The following RGS7 variants were observed in gnomAD, a reference collection of about 807,000 sequenced individuals.
The protein encoded by RGS7 is regulator of G-protein signaling 7.
A neutral mutation model predicts 81.1 loss-of-function variants in RGS7; 27 were observed. The observed-to-expected ratio is 0.33, with a 90% CI of 0.25 to 0.46. The LOEUF (loss-of-function observed/expected upper bound fraction) is 0.46. Ranked by LOEUF, RGS7 falls within the 20% of genes least tolerant of loss-of-function variation. The probability of loss-of-function intolerance (pLI) is 1.00; values close to 1 mark genes in which losing one functional copy is unlikely to be tolerated. For missense variants in RGS7, 396 were observed against 607.4 expected (o/e 0.65, Z 3.66); for synonymous variants, 208 against 207.7 (o/e 1.00, Z -0.01).
At chr1:240,986,561 C>A (rs1685694913) in intron 3 of RGS7, among the ~76,000 whole-genome samples, 1 of 51,342 alleles carries the variant, frequency 1.9e-5, no homozygotes, top group Non-Finnish European at 3.6e-5. Context: ...GTAATTTAAA[C>A]ACCACTATTA....
chr1:241,036,304 T>C (rs933080345), intron 3 of RGS7, among the ~76,000 whole-genome samples: 8 of 152,226 alleles, frequency 5.3e-5, no homozygotes, highest in African/African-American at 1.9e-4. Flanking sequence ...CATTTACACA[T>C]TGAAAGAAAC....
At chr1:241,355,898 A>T in intron 1 of RGS7, 72 bp from the exon 2 acceptor site, 2 of 809,720 alleles carry the variant, frequency 2.5e-6, no homozygotes, top group South Asian at 2.8e-5. Flanking sequence ...CATTCACAGC[A>T]CCCACCCCAC....
chr1:240,941,632 TATA>T (rs1422272167), intron 4 of RGS7, among the ~76,000 whole-genome samples: 4 of 151,852 alleles, frequency 2.6e-5, no homozygotes, highest in African/African-American at 9.7e-5. Context: ...TGTGAGAAAA[TATA>T]ATAGTGATAT....
intron 3 of RGS7, among the ~76,000 whole-genome samples, chr1:241,007,865 T>C (rs2148653047): frequency 6.6e-6 from 1 of 152,180 alleles, no homozygotes; most frequent in East Asian, 1.9e-4. Flanking sequence ...CTGCATCTTG[T>C]ACCTGCAACA....
chr1:240,826,344 A>G (rs968009573), intron 10 of RGS7, among the ~76,000 whole-genome samples: 1 of 152,212 alleles, frequency 6.6e-6, no homozygotes, highest in Non-Finnish European at 1.5e-5. Context: ...GCAACACAAA[A>G]TAAGACTAGA....
intron 9 of RGS7, among the ~76,000 whole-genome samples, chr1:240,835,194 T>C (rs1017865011): frequency 3.3e-5 from 5 of 151,778 alleles, no homozygotes; most frequent in Non-Finnish European, 7.4e-5. Flanking sequence ...GGAAAAAAAA[T>C]AGGCAAGGTT....
chr1:241,009,138 T>G (rs1220731442), intron 3 of RGS7, among the ~76,000 whole-genome samples: 2 of 152,130 alleles, frequency 1.3e-5, no homozygotes, highest in Non-Finnish European at 2.9e-5. Flanking sequence ...CTTTTACTTC[T>G]TTTATACAAA....
chr1:240,807,475 T>C (rs900594980), intron 14 of RGS7, among the ~76,000 whole-genome samples: 22 of 152,182 alleles, frequency 1.4e-4, no homozygotes, highest in African/African-American at 5.3e-4. Flanking sequence ...CCTTCGTAAC[T>C]ACTAAGCTTT....
intron 3 of RGS7, among the ~76,000 whole-genome samples, chr1:241,053,432 G>C (rs1288661641): frequency 6.6e-6 from 1 of 152,086 alleles, no homozygotes; most frequent in East Asian, 1.9e-4. Context: ...CCTGTGGAGG[G>C]GGAAAGTCAT....
chr1:241,255,820 G>A (rs1313680054), intron 2 of RGS7, among the ~76,000 whole-genome samples: 2 of 152,154 alleles, frequency 1.3e-5, no homozygotes, highest in Admixed American at 1.3e-4. Context: ...ACTCCCAAAT[G>A]GGTGTTCACT....
chr1:241,104,585 G>A (rs965470579), intron 2 of RGS7, among the ~76,000 whole-genome samples: 3 of 152,116 alleles, frequency 2.0e-5, no homozygotes, highest in Non-Finnish European at 4.4e-5. Flanking sequence ...AAGTTATTTA[G>A]ATTAAAAATT....
chr1:241,089,822 G>A (rs767424541), intron 3 of RGS7, among the ~76,000 whole-genome samples: 27 of 151,800 alleles, frequency 1.8e-4, no homozygotes, highest in Admixed American at 2.6e-4. Context: ...CGGCTAACAC[G>A]GTGAAACCCC....
chr1:240,868,486 G>T lies in RGS7; in HGVS notation c.609+101C>A. The T allele has an allele frequency of 1.1e-6, 1 of 943,646 alleles. No individual in the cohort carries two copies. Among genetic ancestry groups the T allele is most frequent in the Non-Finnish European group, 1.7e-6 (1 of 574,802 alleles). 58.5% of individuals were successfully genotyped at this position (943,646 alleles called of 1,614,324 possible). A position where few individuals can be genotyped will look rare whatever the true frequency, so the allele number is the denominator to read the frequency against. On this transcript the variant is annotated intron_variant, in intron 9 of 18. Transcript: ENST00000440928. This position sits in a 1 kb window ranked among gnomAD's most constrained non-coding sequence, Gnocchi z 5.1. ...AATTCACCAAGATACCATGGAGCGTGCATGGGGTCACTACAGTCTTTCACT... is the reference window on the plus strand; with the variant it reads ...AATTCACCAAGATACCATGGAGCGTTCATGGGGTCACTACAGTCTTTCACT...
chr1:241,008,218 A>T (rs1475797257), intron 3 of RGS7, among the ~76,000 whole-genome samples: 2 of 152,338 alleles, frequency 1.3e-5, no homozygotes, highest in East Asian at 1.9e-4. Context: ...CTAAAAAAAA[A>T]TTCTAAAGAG....
chr1:241,186,523 ATTT>A (rs1226943606), intron 2 of RGS7: 122 of 277,358 alleles, frequency 4.4e-4, no homozygotes, highest in Non-Finnish European at 5.9e-4. Context: ...ATATATATAT[ATTT>A]TTTTTTTTTT....
At chr1:241,259,667 A>AAAAAAAATATATATAT in intron 2 of RGS7, among the ~76,000 whole-genome samples, 8 of 49,142 alleles carry the variant, frequency 1.6e-4, no homozygotes, top group South Asian at 1.1e-3. Context: ...AAAAAAAAAA[A>AAAAAAAATATATATAT]ATATATATAT....
At chr1:241,146,099 G>A (rs929183689) in intron 2 of RGS7, among the ~76,000 whole-genome samples, 1 of 152,114 alleles carries the variant, frequency 6.6e-6, no homozygotes, top group Non-Finnish European at 1.5e-5. Flanking sequence ...ATGGGAAGGT[G>A]AAGGAAGGAA....
At chr1:241,223,163 T>A (rs549553916) in intron 2 of RGS7, among the ~76,000 whole-genome samples, 1 of 152,302 alleles carries the variant, frequency 6.6e-6, no homozygotes, top group Admixed American at 6.5e-5. Context: ...TGCTTTAGAA[T>A]GTCAACGATA....
chr1:241,111,997 T>C (rs1025675940), intron 2 of RGS7, among the ~76,000 whole-genome samples: 1 of 152,192 alleles, frequency 6.6e-6, no homozygotes, highest in Admixed American at 6.5e-5. Flanking sequence ...ACTAGTGGCA[T>C]TCCAAACACA....
Sources: gnomAD v4.1 joint callset for allele counts (sites outside exome capture counted in the v4.1 genomes callset) on GRCh38, gnomAD v4.1.1 for gene constraint, Gnocchi (gnomAD v3.1) non-coding constraint, MANE v1.5 for transcripts, NCBI Gene and HGNC (gene_info 2026-07-23, HGNC 2026-07-21) for gene names.